Variants in UCHL3 observed in about 807,000 individuals in gnomAD.
UCHL3 encodes ubiquitin C-terminal hydrolase L3, also known as ubiquitin carboxyl-terminal hydrolase isozyme L3.
A neutral mutation model predicts 35.8 loss-of-function variants in UCHL3; 22 were observed. The observed-to-expected ratio is 0.61, with a 90% confidence interval of 0.44 to 0.88. The LOEUF is 0.88. Among genes scored for constraint, UCHL3 ranks in the 40% least tolerant of loss-of-function variants. UCHL3 has a pLI of 0.00. For synonymous variants in UCHL3, 90 were observed against 92.8 expected, an observed-to-expected ratio of 0.97 and a Z score of 0.17; for missense variants, 229 against 276.9, an observed-to-expected ratio of 0.83 and a Z score of 1.23.
chr13:75,551,132 A>G (rs567813095), intron 2 of UCHL3, among the ~76,000 whole-genome samples: 1 of 152,324 alleles, frequency 6.6e-6, no homozygotes, highest in East Asian at 1.9e-4. Context: ...CTACATAAAC[A>G]TAAAAGAGGG....
Position 75,567,291 on chromosome 13 carries a change from C to T in UCHL3, c.405C>T (p.Ala135=), listed in dbSNP as rs1180016846. ...TGTCAATGAGCCCTGAAGAACGAGC[C>T]AGATACCTGGAGAACTATGATGTCG... ...ESVSMSPEER[A]RYLENYDAIR... is the part of the protein sequence containing the mutation. Residue 135 remains alanine, a synonymous_variant, in exon 5 of 9, where the codon GCC becomes GCT. Coordinates refer to ENST00000377595, the MANE Select transcript of UCHL3 (RefSeq NM_006002.5). The T allele has an allele frequency of 6.2e-7, 1 of 1,614,100 alleles. No homozygotes were observed. The highest frequency in any genetic ancestry group is 2.2e-5 in the East Asian group (1 of 44,866).
At chr13:75,590,860 T>C (rs1312385549) in intron 6 of UCHL3, among the ~76,000 whole-genome samples, 1 of 152,200 alleles carries the variant, frequency 6.6e-6, no homozygotes, top group Non-Finnish European at 1.5e-5. Context: ...ATCTTGCTAA[T>C]TATCTTAAAT....
intron 6 of UCHL3, among the ~76,000 whole-genome samples, chr13:75,569,715 G>C (rs565697262): frequency 4.5e-4 from 69 of 152,356 alleles, no homozygotes; most frequent in African/African-American, 1.6e-3. Context: ...AGATGCTGCT[G>C]TCTGCTGTTT....
At chr13:75,568,227 A>T (rs895590183) in intron 5 of UCHL3, among the ~76,000 whole-genome samples, 6 of 152,148 alleles carry the variant, frequency 3.9e-5, no homozygotes, top group African/African-American at 1.4e-4. Context: ...AAGTTCTTTG[A>T]AATTAGGCGT....
chr13:75,581,947 A>G (rs538173678), intron 6 of UCHL3, among the ~76,000 whole-genome samples: 1 of 152,252 alleles, frequency 6.6e-6, no homozygotes, highest in East Asian at 1.9e-4. Flanking sequence ...AGGAATTCAG[A>G]TAGAAATAGT....
At chr13:75,556,694 T>G (rs975792558) in intron 2 of UCHL3, among the ~76,000 whole-genome samples, 7 of 152,154 alleles carry the variant, frequency 4.6e-5, no homozygotes, top group African/African-American at 1.7e-4. Context: ...TAAGTCTAGT[T>G]TGTATGCAAA....
intron 2 of UCHL3, 61 bp downstream of exon 2, chr13:75,550,048 C>T: frequency 6.2e-7 from 1 of 1,609,992 alleles, no homozygotes; most frequent in Non-Finnish European, 8.5e-7. Flanking sequence ...GGTCCGCTTC[C>T]CTGCTGGACT....
intron 3 of UCHL3, among the ~76,000 whole-genome samples, chr13:75,562,966 T>A (rs750513889): frequency 2.0e-5 from 3 of 152,154 alleles, no homozygotes; most frequent in Non-Finnish European, 4.4e-5. Flanking sequence ...TTTCAGCTTA[T>A]AGGTGATATA....
chr13:75,557,211 G>A (rs2031321964), intron 2 of UCHL3, among the ~76,000 whole-genome samples: 1 of 151,122 alleles, frequency 6.6e-6, no homozygotes, highest in Non-Finnish European at 1.5e-5. Flanking sequence ...GCAAGACCCT[G>A]TCTGAAAAAA....
At chr13:75,558,528 T>G (rs1316853157) in intron 2 of UCHL3, among the ~76,000 whole-genome samples, 1 of 152,198 alleles carries the variant, frequency 6.6e-6, no homozygotes, top group African/African-American at 2.4e-5. Context: ...AATTAACAAA[T>G]AAATTTAAAT....
chr13:75,590,771 T>G (rs961140608), intron 6 of UCHL3, among the ~76,000 whole-genome samples: 19 of 152,190 alleles, frequency 1.2e-4, no homozygotes, highest in Admixed American at 1.2e-3. Context: ...TGTATTGATG[T>G]AGGCTTCCCA....
At chr13:75,588,103 T>C (rs1244699021) in intron 6 of UCHL3, among the ~76,000 whole-genome samples, 1 of 152,166 alleles carries the variant, frequency 6.6e-6, no homozygotes, top group Non-Finnish European at 1.5e-5. Flanking sequence ...ACTGATTAAA[T>C]TGAAAGAATA....
At chr13:75,586,664 TAC>T in intron 6 of UCHL3, among the ~76,000 whole-genome samples, 1 of 151,998 alleles carries the variant, frequency 6.6e-6, no homozygotes, top group Admixed American at 6.6e-5. Context: ...ATTTAATTTA[TAC>T]AAAGAATGTT....
chr13:75,554,084 G>T (rs979893201), intron 2 of UCHL3, among the ~76,000 whole-genome samples: 1 of 152,016 alleles, frequency 6.6e-6, no homozygotes, highest in African/African-American at 2.4e-5. Flanking sequence ...TAAAGACAGG[G>T]TCTTGTTCTA....
intron 6 of UCHL3, chr13:75,590,164 T>C (rs542589006): frequency 5.6e-6 from 7 of 1,244,894 alleles, no homozygotes; most frequent in Non-Finnish European, 7.2e-6. Context: ...CTTCTTCCAG[T>C]GACAAGGGCT....
intron 6 of UCHL3, 119 bp downstream of exon 6, chr13:75,569,626 T>C: frequency 2.1e-6 from 2 of 955,374 alleles, no homozygotes; most frequent in East Asian, 5.7e-5. Flanking sequence ...ACTTGGCTTT[T>C]TGTTTTTTCC....
At chr13:75,569,379 T>G in intron 5 of UCHL3, 81 bp from the exon 6 acceptor site, 1 of 1,143,590 alleles carries the variant, frequency 8.7e-7, no homozygotes. Flanking sequence ...ACTTTAGGTG[T>G]TAAAATTTAG....
chr13:75,571,809 C>T (rs1319770251), intron 6 of UCHL3, among the ~76,000 whole-genome samples: 7 of 152,066 alleles, frequency 4.6e-5, no homozygotes, highest in Non-Finnish European at 8.8e-5. Flanking sequence ...GCTCCTTTCC[C>T]ATCTCCCACA....
At chr13:75,604,638 GT>G in intron 7 of UCHL3, 130 bp from the exon 8 acceptor site, 1 of 543,644 alleles carries the variant, frequency 1.8e-6, no homozygotes, top group Non-Finnish European at 3.1e-6. Context: ...TAAAACATTT[GT>G]TTTAGGATAT....
Sources: allele counts gnomAD v4.1 joint callset (sites outside exome capture counted in the v4.1 genomes callset), GRCh38; gene constraint gnomAD v4.1.1; transcripts MANE v1.5; gene names NCBI Gene and HGNC (gene_info 2026-07-23, HGNC 2026-07-21).